WWOX: variants seen among roughly 807,000 people sequenced by gnomAD.
WWOX encodes the protein WW domain containing oxidoreductase, also known as WW domain-containing oxidoreductase.
A neutral mutation model predicts 46.2 loss-of-function variants in WWOX; 69 were observed. The observed-to-expected ratio is 1.49, with a 90% confidence interval of 1.23 to 1.82. The LOEUF is 1.82. Ranked by LOEUF, WWOX falls within the 40% of genes most tolerant of loss-of-function variation. The pLI is 0.00. For synonymous variants in WWOX, 359 were observed against 202.6 expected, an observed-to-expected ratio of 1.77 and a Z score of -6.56; for missense variants, 919 against 542.6, an observed-to-expected ratio of 1.69 and a Z score of -6.89.
chr16:79,156,086 GCA>G (rs771837825), intron 8 of WWOX, among the ~76,000 whole-genome samples: 6 of 152,152 alleles, frequency 3.9e-5, no homozygotes, highest in Non-Finnish European at 7.3e-5. Context: ...ACTGGAATTT[GCA>G]CAGTCTCACT....
At chr16:79,039,202 G>C (rs949575749) in intron 8 of WWOX, among the ~76,000 whole-genome samples, 7 of 152,112 alleles carry the variant, frequency 4.6e-5, no homozygotes, top group Non-Finnish European at 8.8e-5. Context: ...AGGACTTTGC[G>C]TTGCAGTTTT....
intron 8 of WWOX, among the ~76,000 whole-genome samples, chr16:79,045,241 C>G (rs970726554): frequency 5.9e-5 from 9 of 152,318 alleles, no homozygotes; most frequent in Admixed American, 2.6e-4. Flanking sequence ...TCAGCAAGAG[C>G]TTTCTAAGGG....
At chr16:78,581,530 T>C (rs957029568) in intron 8 of WWOX, among the ~76,000 whole-genome samples, 2 of 152,212 alleles carry the variant, frequency 1.3e-5, no homozygotes, top group African/African-American at 2.4e-5. Context: ...CTTGTCGTCT[T>C]ACACGTTAAT....
chr16:79,177,602 A>T (rs2050826534), intron 8 of WWOX, among the ~76,000 whole-genome samples: 1 of 152,116 alleles, frequency 6.6e-6, no homozygotes, highest in African/African-American at 2.4e-5. Context: ...TGGGGGAAAA[A>T]AGTGGGAGCA....
At chr16:79,141,516 C>T (rs1034384348) in intron 8 of WWOX, among the ~76,000 whole-genome samples, 4 of 152,190 alleles carry the variant, frequency 2.6e-5, no homozygotes, top group Non-Finnish European at 5.9e-5. Context: ...TGATAGCACC[C>T]GTTTTCAAGT....
intron 5 of WWOX, among the ~76,000 whole-genome samples, chr16:78,336,611 C>G (rs9939808): frequency 0.072 from 10,933 of 151,284 alleles, 1,148 homozygotes; most frequent in African/African-American, 0.23. Context: ...TCAAACAACA[C>G]AGTCCCCATC....
At chr16:79,081,848 C>T (rs2048766251) in intron 8 of WWOX, among the ~76,000 whole-genome samples, 1 of 152,090 alleles carries the variant, frequency 6.6e-6, no homozygotes. Context: ...TGCTTCCTCC[C>T]ACCTCTGTGG....
chr16:78,319,509 T>A lies in WWOX; in HGVS notation c.517-67351T>A, dbSNP rs996535475. The stretch of plus-strand genomic sequence containing the variant: ...ACCCCTGGGCTCAAGCGGTCCTCCC[T>A]CCTTGGCCTCCCAATCTGCTGAGAT... On this transcript the variant is annotated intron_variant, in intron 5 of 8. Transcript: ENST00000566780. Among the ~76,000 whole-genome samples the A allele has an allele frequency of 9.9e-5, 15 of 152,118 alleles. No individual in the cohort carries two copies. The Middle Eastern group carries it at 0.01, about 103-fold the overall frequency.
intron 8 of WWOX, among the ~76,000 whole-genome samples, chr16:78,797,040 G>C (rs964111109): frequency 1.3e-5 from 2 of 151,940 alleles, no homozygotes; most frequent in Non-Finnish European, 2.9e-5. Flanking sequence ...TGGCCAGTCT[G>C]GTCTGGAACA....
chr16:78,204,258 A>AT (rs1203196301), intron 5 of WWOX, among the ~76,000 whole-genome samples: 26 of 151,984 alleles, frequency 1.7e-4, no homozygotes, highest in African/African-American at 2.7e-4. Context: ...TCTTTTTAAA[A>AT]TTTTTTTTAT....
At chr16:79,208,981 G>T (rs953382055) in intron 8 of WWOX, among the ~76,000 whole-genome samples, 2 of 152,150 alleles carry the variant, frequency 1.3e-5, no homozygotes, top group Non-Finnish European at 2.9e-5. Flanking sequence ...TTTGCCAAAG[G>T]TGGACGATTG....
intron 8 of WWOX, among the ~76,000 whole-genome samples, chr16:78,657,750 C>G (rs1039851791): frequency 6.6e-5 from 10 of 152,162 alleles, no homozygotes; most frequent in Admixed American, 5.9e-4. Flanking sequence ...TTGAGGCTCC[C>G]TCTCTTGGGC....
intron 8 of WWOX, among the ~76,000 whole-genome samples, chr16:79,023,735 G>C (rs1007668775): frequency 6.6e-6 from 1 of 151,378 alleles, no homozygotes; most frequent in African/African-American, 2.4e-5. Flanking sequence ...CAGCCTGGCT[G>C]GTGGTGATAC....
intron 8 of WWOX, among the ~76,000 whole-genome samples, chr16:78,703,882 C>G (rs2048278402): frequency 6.6e-6 from 1 of 152,030 alleles, no homozygotes; most frequent in Non-Finnish European, 1.5e-5. Flanking sequence ...CTGATCTTCT[C>G]AATCTCTCAG....
chr16:78,639,629 T>G (rs2046655961), intron 8 of WWOX, among the ~76,000 whole-genome samples: 1 of 151,782 alleles, frequency 6.6e-6, no homozygotes, highest in Non-Finnish European at 1.5e-5. Flanking sequence ...AATGGTATGA[T>G]CTTGGCTCAC....
At chr16:79,056,520 A>C (rs767794320) in intron 8 of WWOX, among the ~76,000 whole-genome samples, 2 of 152,180 alleles carry the variant, frequency 1.3e-5, no homozygotes, top group African/African-American at 2.4e-5. Context: ...GGGTTTCTCA[A>C]GCTTTGGCAC....
rs1348110282 is a variant in WWOX at position 78,154,999 on chromosome 16, C to G, written c.410-9184C>G. On this transcript the variant is annotated intron_variant, in intron 4 of 8. Transcript: ENST00000566780. ...TGGTCAACATGACCAACTAGAAAGCCCAAACCCCACCTCTAGCTGACAGTG... is the reference window on the plus strand; with the variant it reads ...TGGTCAACATGACCAACTAGAAAGCGCAAACCCCACCTCTAGCTGACAGTG... Among the ~76,000 whole-genome samples the G allele has an allele frequency of 2.0e-5, 3 of 152,134 alleles. No individual in the cohort carries two copies. In the East Asian group the frequency reaches 5.8e-4, roughly 29 times the overall value.
intron 8 of WWOX, among the ~76,000 whole-genome samples, chr16:79,008,804 C>T (rs2047242189): frequency 6.6e-6 from 1 of 152,184 alleles, no homozygotes; most frequent in Non-Finnish European, 1.5e-5. Flanking sequence ...TCTTCCAGCC[C>T]CACAAACGTG....
intron 8 of WWOX, among the ~76,000 whole-genome samples, chr16:78,929,570 C>G (rs769528779): frequency 6.6e-6 from 1 of 152,064 alleles, no homozygotes; most frequent in Admixed American, 6.6e-5. Context: ...ATTCTCCTCC[C>G]CAAATATTTA....
Sources: allele counts gnomAD v4.1 joint callset (sites outside exome capture counted in the v4.1 genomes callset), GRCh38; gene constraint gnomAD v4.1.1; transcripts MANE v1.5; gene names NCBI Gene and HGNC (gene_info 2026-07-23, HGNC 2026-07-21).